The following EXOSC4 variants were observed in gnomAD, a reference collection of about 807,000 sequenced individuals.
EXOSC4 encodes exosome complex component RRP41.
EXOSC4 carries 14 observed loss-of-function variants against 20.0 expected under a neutral mutation model. The ratio of observed to expected loss-of-function variants is 0.70; its 90% confidence interval spans 0.46 to 1.09. EXOSC4 has a LOEUF of 1.09. Ranked by LOEUF, EXOSC4 falls within the 50% of genes least tolerant of loss-of-function variation. The probability of loss-of-function intolerance (pLI) is 0.00; values close to 1 mark genes in which losing one functional copy is unlikely to be tolerated. For synonymous variants in EXOSC4, 148 were observed against 146.4 expected, an observed-to-expected ratio of 1.01 and a Z score of -0.08; for missense variants, 337 against 334.0, an observed-to-expected ratio of 1.01 and a Z score of -0.07.
At chr8:144,067,119 G>A in the EXOSC4 span, among the ~76,000 whole-genome samples, 1 of 152,024 alleles carries the variant, frequency 6.6e-6, no homozygotes, top group East Asian at 1.9e-4. Flanking sequence ...AGAATGAGAG[G>A]CTCAGTCAGT....
At chr8:144,077,198 T>C (rs1554762857), upstream of EXOSC4, among the ~76,000 whole-genome samples, 1 of 152,088 alleles carries the variant, frequency 6.6e-6, no homozygotes, top group Non-Finnish European at 1.5e-5. Context: ...TGCGCTGACA[T>C]TGTGCCACGG....
At chr8:144,078,569 C>A, upstream of EXOSC4, 2 of 719,996 alleles carry the variant, frequency 2.8e-6, no homozygotes, top group Non-Finnish European at 4.0e-6. This position sits in a 1 kb window ranked among gnomAD's most constrained non-coding sequence, Gnocchi z 4.7. Flanking sequence ...AACCGCAGAT[C>A]CACGGAGGTC....
chr8:144,067,598 A>G, the EXOSC4 span, among the ~76,000 whole-genome samples: 3 of 152,260 alleles, frequency 2.0e-5, no homozygotes, highest in Non-Finnish European at 4.4e-5. Flanking sequence ...CAGAAGAAGC[A>G]GTGGAGACCA....
upstream of EXOSC4, among the ~76,000 whole-genome samples, chr8:144,076,688 C>G (rs1835838200): frequency 1.3e-5 from 2 of 152,208 alleles, no homozygotes; most frequent in Admixed American, 1.3e-4. Flanking sequence ...CCAACATCGT[C>G]CTCATTGTCC....
Position 144,080,228 on chromosome 8 carries a change from T to C in EXOSC4, c.379-14T>C, listed in dbSNP as rs1427449920. ...GAGGGAGTCTGATAGACTGACACCC[T>C]GGGTTCCCTGCAGGTGCTACAGGCA... On this transcript the variant is annotated splice_polypyrimidine_tract_variant and intron_variant, in intron 2 of 2. Transcript: ENST00000316052. The surrounding 1 kb of genome is among the most constrained non-coding windows in gnomAD (Gnocchi z 4.9). 6.8e-6 allele frequency: 11 copies of C among 1,611,614 alleles called. No homozygotes were observed. Among genetic ancestry groups the C allele is most frequent in the African/African-American group, 1.3e-5 (1 of 74,920 alleles).
At chr8:144,074,868 C>T (rs1217220105), upstream of EXOSC4, among the ~76,000 whole-genome samples, 1 of 152,058 alleles carries the variant, frequency 6.6e-6, no homozygotes, top group East Asian at 1.9e-4. Context: ...CTACCTCACC[C>T]AGCCAAGCCC....
intron 1 of EXOSC4, 194 bp from the exon 2 acceptor site, chr8:144,079,749 A>G (rs1554763210): frequency 1.4e-6 from 1 of 714,952 alleles, no homozygotes; most frequent in East Asian, 2.7e-5. Context: ...GGATGGACAC[A>G]AGGAAGCCAA....
the EXOSC4 span, among the ~76,000 whole-genome samples, chr8:144,068,135 A>G: frequency 6.6e-6 from 1 of 152,196 alleles, no homozygotes; most frequent in Non-Finnish European, 1.5e-5. Flanking sequence ...CATGAGTCCC[A>G]TGGGGAGGCA....
chr8:144,071,960 A>G, the EXOSC4 span, among the ~76,000 whole-genome samples: 109 of 152,300 alleles, frequency 7.2e-4, no homozygotes, highest in African/African-American at 2.2e-3. Context: ...AGCCTGGGTG[A>G]CAGAGTGAGA....
In EXOSC4 at chr8:144,080,292, G is replaced by A. The variant is rs1835885678; in HGVS notation, c.429G>A (p.Thr143=). 20 of 1,613,700 alleles carry A rather than the reference G, an allele frequency of 1.2e-5. No individual in the cohort carries two copies. The highest frequency in any genetic ancestry group is 1.7e-5 in the Non-Finnish European group (20 of 1,180,050). ...ATGCAGCTTGTGTGAATGCAGCCAC[G>A]CTGGCAGTGCTGGATGCCGGGATAC... The part of the protein sequence containing the change: ...GTYAACVNAA[T]LAVLDAGIPM... Residue 143 remains threonine, a synonymous_variant, in exon 3 of 3, where the codon ACG becomes ACA. Transcript: ENST00000316052. The surrounding 1 kb of genome is among the most constrained non-coding windows in gnomAD (Gnocchi z 4.9).
At chr8:144,064,443 C>T in the EXOSC4 span, among the ~76,000 whole-genome samples, 7 of 152,260 alleles carry the variant, frequency 4.6e-5, no homozygotes, top group African/African-American at 1.7e-4. Context: ...GGCCCAGCAA[C>T]AGCAGGAGCT....
At chr8:144,065,247 C>T in the EXOSC4 span, among the ~76,000 whole-genome samples, 2 of 152,040 alleles carry the variant, frequency 1.3e-5, no homozygotes, top group African/African-American at 4.8e-5. Flanking sequence ...TTCTCTTTTG[C>T]TTGTTTGATG....
In EXOSC4 at chr8:144,078,910, G is replaced by A; in HGVS notation, c.171+11G>A. ...TACGGCCCGCACGAGGCGAGTGGGC[G>A]CGCGGGATGGGGAATCGTGTGGCCG... On this transcript the variant is annotated intron_variant, in intron 1 of 2. Coordinates refer to ENST00000316052, the MANE Select transcript of EXOSC4 (RefSeq NM_019037.3). This position sits in a 1 kb window ranked among gnomAD's most constrained non-coding sequence, Gnocchi z 4.7. 1 of 1,458,024 alleles carries A rather than the reference G, an allele frequency of 6.9e-7. No individual in the cohort carries two copies. The highest frequency in any genetic ancestry group is 9.1e-7 in the Non-Finnish European group (1 of 1,099,960). The allele number at this position is 1,458,024 out of a possible 1,614,324, so 90.3% of individuals were successfully genotyped here.
At chr8:144,079,717 G>C (rs1554763202) in intron 1 of EXOSC4, 1 of 688,002 alleles carries the variant, frequency 1.5e-6, no homozygotes, top group East Asian at 2.8e-5. Flanking sequence ...TTGTAAACTT[G>C]GGTTGGCAGG....
the EXOSC4 span, among the ~76,000 whole-genome samples, chr8:144,070,581 C>G: frequency 2.0e-5 from 3 of 150,028 alleles, no homozygotes; most frequent in East Asian, 5.9e-4. Context: ...AATCTCAGCA[C>G]TTTGGGAGGC....
chr8:144,078,648 G>A (rs540903907), upstream of EXOSC4: 12 of 1,324,312 alleles, frequency 9.1e-6, no homozygotes, highest in African/African-American at 1.5e-5. This position sits in a 1 kb window ranked among gnomAD's most constrained non-coding sequence, Gnocchi z 4.7. Flanking sequence ...CGTAGATTCC[G>A]GGCGGTCGGA....
the EXOSC4 span, among the ~76,000 whole-genome samples, chr8:144,066,126 C>T: frequency 2.0e-5 from 3 of 152,056 alleles, no homozygotes; most frequent in African/African-American, 7.2e-5. Context: ...AGGCCATTCT[C>T]CTGCCTCAGC....
chr8:144,068,662 T>C, the EXOSC4 span, among the ~76,000 whole-genome samples: 1 of 152,364 alleles, frequency 6.6e-6, no homozygotes, highest in East Asian at 1.9e-4. Flanking sequence ...GAAGATCTAC[T>C]AAGTCTTGAT....
the EXOSC4 span, among the ~76,000 whole-genome samples, chr8:144,072,864 G>A: frequency 3.3e-5 from 5 of 152,220 alleles, no homozygotes; most frequent in Non-Finnish European, 7.3e-5. Flanking sequence ...GGGGGTGCAG[G>A]TGTCCCTTTG....
Sources: gnomAD v4.1 joint callset for allele counts (sites outside exome capture counted in the v4.1 genomes callset) on GRCh38, gnomAD v4.1.1 for gene constraint, Gnocchi (gnomAD v3.1) non-coding constraint, MANE v1.5 for transcripts, NCBI Gene and HGNC (gene_info 2026-07-23, HGNC 2026-07-21) for gene names.